UTP20: variants seen among roughly 807,000 people sequenced by gnomAD.
The protein encoded by UTP20 is UTP20 small subunit processome component.
UTP20 carries 164 observed loss-of-function variants against 329.5 expected under a neutral mutation model. That is an observed-to-expected ratio of 0.50 (90% confidence interval 0.44 to 0.57). The LOEUF (loss-of-function observed/expected upper bound fraction) is 0.57, where lower values mean the gene tolerates loss of function less well. Among genes scored for constraint, UTP20 ranks in the 20% least tolerant of loss-of-function variants. The pLI is 0.00. For synonymous variants in UTP20, 1,151 were observed against 1,159.3 expected, an observed-to-expected ratio of 0.99 and a Z score of 0.14; for missense variants, 3,055 against 3,284.2, an observed-to-expected ratio of 0.93 and a Z score of 1.71.
At position 101,304,838 on chromosome 12, in the gene UTP20, G is replaced by C. The variant is rs182267486; in HGVS notation, c.1782-1077G>C. 2.6e-5 allele frequency among the ~76,000 whole-genome samples: 4 copies of C among 152,190 alleles called. No homozygotes were observed. The East Asian group carries it at 7.7e-4, about 29-fold the overall frequency. ...CCAGCATCCTCATCATGTTCCTCGGGGCTCCGTATGAGCTAACTCCTGGCT... is the reference window on the plus strand; with the variant it reads ...CCAGCATCCTCATCATGTTCCTCGGCGCTCCGTATGAGCTAACTCCTGGCT... On this transcript the variant is annotated intron_variant, in intron 15 of 61. Transcript: ENST00000261637.
chr12:101,305,876 A>T, intron 15 of UTP20, 39 bp from the exon 16 acceptor site: 1 of 1,531,356 alleles, frequency 6.5e-7, no homozygotes, highest in Non-Finnish European at 8.8e-7. Flanking sequence ...ACTCTGGGTT[A>T]TATGGTACAG....
At chr12:101,293,296 A>G in intron 11 of UTP20, 51 bp downstream of exon 11, 2 of 1,527,242 alleles carry the variant, frequency 1.3e-6, no homozygotes, top group African/African-American at 1.4e-5. Flanking sequence ...TCTGTCAGGA[A>G]AAAACGATCA....
chr12:101,286,994 T>C (rs773566119), intron 5 of UTP20, among the ~76,000 whole-genome samples: 1 of 152,212 alleles, frequency 6.6e-6, no homozygotes, highest in Non-Finnish European at 1.5e-5. Flanking sequence ...TGTGAGTAAA[T>C]GTGGACAAGG....
Position 101,383,312 on chromosome 12 carries a change from A to T in UTP20, c.7928A>T (p.Lys2643Met). 6.2e-7 allele frequency: 1 copy of T among 1,612,688 alleles called. No individual in the cohort carries two copies. Among genetic ancestry groups the T allele is most frequent in the Non-Finnish European group, 8.5e-7 (1 of 1,179,528 alleles). ...GCTTATTCGCCGAGAAACCCCTTAAAGGTGCGATGAATGCACAGAATGACT... is the reference window on the plus strand; with the variant it reads ...GCTTATTCGCCGAGAAACCCCTTAATGGTGCGATGAATGCACAGAATGACT... ...EAAYSPRNPLKRTCIFKFLGA... is the reference protein window; with the variant it reads ...EAAYSPRNPLMRTCIFKFLGA... The change falls in exon 59 of 62, where the codon AAG becomes ATG. Residue 2643 changes from lysine to methionine, a missense_variant and splice_region_variant. Physicochemically the swap from Lys to Met is moderately conservative, Grantham distance 95. Transcript: ENST00000261637.
Position 101,379,489 on chromosome 12 carries a change from C to G in UTP20, c.7515C>G (p.Thr2505=). ...QPEELIQKWN[T]KKTKKHLPEP... is the part of the protein sequence containing the mutation. ...AGGAGCTTATTCAAAAATGGAATAC[C>G]AAAAAGACCAAAAAACACCTCCCAG... The change falls in exon 57 of 62, where the codon ACC becomes ACG. Residue 2505 remains threonine, a synonymous_variant. Transcript: ENST00000261637. 6.2e-7 allele frequency: 1 copy of G among 1,613,972 alleles called. No individual in the cohort carries two copies. The highest frequency in any genetic ancestry group is 8.5e-7 in the Non-Finnish European group (1 of 1,179,952).
At position 101,338,270 on chromosome 12, in the gene UTP20, C is replaced by T; in HGVS notation, c.3861C>T (p.Asn1287=). ...TGCVYPGIAE[N]IGESITIGGR... ...GTGTATACCCTGGCATAGCAGAAAA[C>T]ATCGGTGGTATGTATGCTGACAAAG... The change falls in exon 30 of 62, where the codon AAC becomes AAT. Residue 1287 remains asparagine, a synonymous_variant. Transcript: ENST00000261637. 6.2e-7 allele frequency: 1 copy of T among 1,614,020 alleles called. No homozygotes were observed. The highest frequency in any genetic ancestry group is 1.3e-5 in the African/African-American group (1 of 75,030).
At chr12:101,366,760 C>T (rs1870107492) in intron 47 of UTP20, 61 bp downstream of exon 47, 2 of 1,557,830 alleles carry the variant, frequency 1.3e-6, no homozygotes, top group African/African-American at 1.4e-5. Context: ...TTTTAGTCTT[C>T]TGTTGAATTT....
chr12:101,291,561 A>AT, intron 8 of UTP20, 181 bp from the exon 9 acceptor site: 1 of 359,696 alleles, frequency 2.8e-6, no homozygotes, highest in Non-Finnish European at 4.6e-6. Flanking sequence ...AAAAAAAAAA[A>AT]AGACTTAGAA....
In UTP20 at chr12:101,280,107, T is replaced by C. The variant is rs1030695707; in HGVS notation, c.-176T>C. The C allele has an allele frequency of 2.0e-5, 15 of 758,856 alleles. No homozygotes were observed. The highest frequency in any genetic ancestry group is 3.0e-5 in the Admixed American group (1 of 33,336). The allele number at this position is 758,856 out of a possible 1,614,324, so 47.0% of individuals were successfully genotyped here. ...TCTTTTTTCCGTCCACGTGACCCAC[T>C]CAGGCTCCTCCTTGTCTCCAACATG... On this transcript the variant is annotated 5_prime_UTR_variant, in exon 1 of 62. Transcript: ENST00000261637.
At position 101,352,122 on chromosome 12, in the gene UTP20, C is replaced by T. The variant is rs184720709; in HGVS notation, c.4952C>T (p.Ala1651Val). The T allele has an allele frequency of 4.3e-6, 7 of 1,613,894 alleles. No homozygotes were observed. Among genetic ancestry groups the T allele is most frequent in the African/African-American group, 1.3e-5 (1 of 75,050 alleles). Residue 1651 changes from alanine to valine, a missense_variant, in exon 39 of 62, where the codon GCG (alanine) becomes GTG (valine). By Grantham distance (64) the Ala-to-Val change is moderately conservative. This residue lies in a region of UTP20 where 2,445 missense variants were observed against 2,575.5 expected (regional missense o/e 0.95). Transcript: ENST00000261637. The stretch of plus-strand genomic sequence containing the variant: ...ATTTGCAAACATCTCTCTTGGTCAG[C>T]GTATATGTATTACTTGAAACATTTC... ...GAICKHLSWS[A>V]YMYYLKHFIH...
At chr12:101,286,632 T>A in intron 5 of UTP20, 123 bp downstream of exon 5, 1 of 787,548 alleles carries the variant, frequency 1.3e-6, no homozygotes, top group Non-Finnish European at 1.8e-6. Context: ...AAGTTGATTC[T>A]CCAGCCAAAG....
intron 6 of UTP20, among the ~76,000 whole-genome samples, chr12:101,289,351 T>C (rs1872062913): frequency 6.6e-6 from 1 of 150,962 alleles, no homozygotes. Context: ...CACTCCAGCC[T>C]AGGCGACAGA....
rs1868398977 is a variant in UTP20, at chr12:101,322,540, A to G, written c.3041+911A>G. On this transcript the variant is annotated intron_variant, in intron 25 of 61. Transcript: ENST00000261637. ...TGAAGCTTAAATCTTTCATCTCACC[A>G]GCTCTGGAATGATGAGAATTGGAAA... is the stretch of plus-strand genomic sequence containing the variant. 2.0e-5 allele frequency among the ~76,000 whole-genome samples: 3 copies of G among 152,212 alleles called. No homozygotes were observed. In the South Asian group the frequency reaches 6.2e-4, roughly 32 times the overall value.
At chr12:101,346,333 A>T in intron 37 of UTP20, 118 bp from the exon 38 acceptor site, 1 of 1,240,076 alleles carries the variant, frequency 8.1e-7, no homozygotes, top group Non-Finnish European at 1.1e-6. Flanking sequence ...TACAGGCATG[A>T]GCCACCGCAC....
intron 32 of UTP20, among the ~76,000 whole-genome samples, chr12:101,341,475 A>G (rs1210151425): frequency 1.3e-5 from 2 of 152,230 alleles, no homozygotes; most frequent in South Asian, 2.1e-4. Flanking sequence ...TAGTTGTTCA[A>G]TTTAGAAGAC....
chr12:101,363,671 C>T lies in UTP20; in HGVS notation c.5886C>T (p.Tyr1962=), dbSNP rs747596099. ...TGGAAGCACGAAGAAGCAAAAGTTA[C>T]GACTCTTATGAAATCCTCGGCAAGT... The part of the protein sequence containing the change: ...KVMEARRSKS[Y]DSYEILGKFV... Residue 1962 remains tyrosine (Y), a synonymous_variant, in exon 45 of 62, where the codon TAC becomes TAT. Transcript: ENST00000261637. The T allele has an allele frequency of 1.2e-5, 19 of 1,613,110 alleles. No homozygotes were observed. Among genetic ancestry groups the T allele is most frequent in the East Asian group, 2.2e-5 (1 of 44,884 alleles).
At chr12:101,322,393 C>T (rs910808884) in intron 25 of UTP20, among the ~76,000 whole-genome samples, 1 of 152,106 alleles carries the variant, frequency 6.6e-6, no homozygotes, top group African/African-American at 2.4e-5. Flanking sequence ...AAATATTTCA[C>T]TCTGTTTTCC....
At chr12:101,359,193 A>G (rs948100436) in intron 43 of UTP20, among the ~76,000 whole-genome samples, 1 of 152,110 alleles carries the variant, frequency 6.6e-6, no homozygotes, top group Non-Finnish European at 1.5e-5. Context: ...CCTCCGAAGT[A>G]GCTGGGATTA....
chr12:101,370,458 C>G lies in UTP20; in HGVS notation c.6582C>G (p.Val2194=), dbSNP rs1870248135. Residue 2194 remains valine, a synonymous_variant, in exon 50 of 62, where the codon GTC becomes GTG. Transcript: ENST00000261637. ...GTGTGACCATACTTGTCAAGAAAGT[C>G]AAGTCTTACCAGATAACTGAAAAAC... ...FKCVTILVKK[V]KSYQITEKQL... 1.2e-6 allele frequency: 2 copies of G among 1,613,618 alleles called. No individual in the cohort carries two copies. The highest frequency in any genetic ancestry group is 3.3e-5 in the Admixed American group (2 of 59,926).
Sources: allele counts gnomAD v4.1 joint callset (sites outside exome capture counted in the v4.1 genomes callset), GRCh38; gene constraint gnomAD v4.1.1; regional missense constraint gnomAD v4.1.1; transcripts MANE v1.5; gene names NCBI Gene and HGNC (gene_info 2026-07-23, HGNC 2026-07-21).